Variants in DNAAF11 observed in about 807,000 individuals in gnomAD.
DNAAF11 encodes the protein leucine rich repeat containing 6.
DNAAF11 carries 45 observed loss-of-function variants against 60.8 expected under a neutral mutation model. The observed-to-expected ratio is 0.74, with a 90% CI of 0.58 to 0.95. The LOEUF is 0.95. Among genes scored for constraint, DNAAF11 ranks in the 40% least tolerant of loss-of-function variants. The pLI, the probability that DNAAF11 is intolerant of heterozygous loss-of-function variation, is 0.00. For missense variants in DNAAF11, 546 were observed against 546.2 expected (o/e 1.00, Z 0.00); for synonymous variants, 191 against 183.5 (o/e 1.04, Z -0.33).
chr8:132,668,192 T>C (rs1450183634), intron 1 of DNAAF11, among the ~76,000 whole-genome samples: 1 of 152,200 alleles, frequency 6.6e-6, no homozygotes, highest in Admixed American at 6.5e-5. Flanking sequence ...TGGAAACTCT[T>C]AAAAGCAGGA....
chr8:132,591,534 T>C lies in DNAAF11; in HGVS notation c.1141-7755A>G, dbSNP rs182326406. On this transcript the variant is annotated intron_variant, in intron 10 of 11. Coordinates refer to ENST00000620350, the MANE Select transcript of DNAAF11 (RefSeq NM_012472.6). ...GTAACTGTCGTTTCCCACCTTTCTA[T>C]TAGAGTTTTAATTGTTTTCTGAAAT... 3.3e-5 allele frequency among the ~76,000 whole-genome samples: 5 copies of C among 152,186 alleles called. No homozygotes were observed. The East Asian group carries it at 9.6e-4, about 29-fold the overall frequency.
intron 7 of DNAAF11, 26 bp from the exon 8 acceptor site, chr8:132,615,123 A>G (rs373165179): frequency 3.5e-6 from 5 of 1,441,818 alleles, no homozygotes; most frequent in Non-Finnish European, 4.9e-6. Flanking sequence ...TTGGTGGGAA[A>G]AAAGAGATGT....
intron 10 of DNAAF11, among the ~76,000 whole-genome samples, chr8:132,609,679 T>C (rs539820671): frequency 6.6e-6 from 1 of 152,284 alleles, no homozygotes; most frequent in East Asian, 1.9e-4. Context: ...TCACTGCTAG[T>C]GCACATCTTA....
chr8:132,601,780 G>A (rs527331054), intron 10 of DNAAF11, among the ~76,000 whole-genome samples: 7 of 152,092 alleles, frequency 4.6e-5, no homozygotes, highest in African/African-American at 7.2e-5. Context: ...CATGGGGTGC[G>A]GGGAGGGTGG....
chr8:132,688,475 A>G, the DNAAF11 span, among the ~76,000 whole-genome samples: 3 of 152,196 alleles, frequency 2.0e-5, no homozygotes, highest in South Asian at 6.2e-4. Context: ...GGCCTGGCCA[A>G]TAACAATTCT....
At chr8:132,651,784 T>C (rs1446319158) in intron 3 of DNAAF11, among the ~76,000 whole-genome samples, 1 of 152,190 alleles carries the variant, frequency 6.6e-6, no homozygotes, top group Non-Finnish European at 1.5e-5. Flanking sequence ...GAAACTTCAT[T>C]ACCACAAAAC....
At chr8:132,620,314 C>T (rs368340913) in intron 7 of DNAAF11, among the ~76,000 whole-genome samples, 5 of 152,190 alleles carry the variant, frequency 3.3e-5, no homozygotes, top group African/African-American at 7.2e-5. Flanking sequence ...TGAAGACAAA[C>T]GACAAGGACT....
At chr8:132,661,363 T>A (rs1824112888) in intron 2 of DNAAF11, 97 bp downstream of exon 2, 1 of 1,032,560 alleles carries the variant, frequency 9.7e-7, no homozygotes, top group East Asian at 2.5e-5. Flanking sequence ...TGGAGTTTTT[T>A]TTTCAGTGAT....
At chr8:132,677,879 G>T (rs1825812342), upstream of DNAAF11, among the ~76,000 whole-genome samples, 1 of 152,196 alleles carries the variant, frequency 6.6e-6, no homozygotes, top group Non-Finnish European at 1.5e-5. Context: ...AAGGTGAAAA[G>T]GGGTGAACTC....
Position 132,668,057 on chromosome 8 carries a change from A to ATC in DNAAF11, c.11-6431_11-6430insGA, listed in dbSNP as rs538966697. ...ATGTATTTATTGAAGATTTTGTAGC[A>ATC]TTCAGACATCTTGAAAGACCTATCA... On this transcript the variant is annotated intron_variant, in intron 1 of 11. Transcript: ENST00000620350. Among the ~76,000 whole-genome samples the ATC allele has an allele frequency of 3.6e-3, 545 of 152,356 alleles. 2 individuals carry two copies. The highest frequency in any genetic ancestry group is 0.012 in the African/African-American group (513 of 41,574).
intron 11 of DNAAF11, among the ~76,000 whole-genome samples, chr8:132,581,856 C>G (rs1815377209): frequency 6.6e-6 from 1 of 152,126 alleles, no homozygotes; most frequent in Non-Finnish European, 1.5e-5. Context: ...CATCATGTAG[C>G]AGAGTCAGCA....
rs902438793 is a variant in DNAAF11 at position 132,625,279 on chromosome 8, T to C, written c.829A>G (p.Lys277Glu). The C allele has an allele frequency of 3.1e-6, 5 of 1,599,746 alleles. No homozygotes were observed. The highest frequency in any genetic ancestry group is 4.3e-6 in the Non-Finnish European group (5 of 1,173,952). ...TAGGAAAGAATGAAATACCTTAATTTTTCCTGTTTCTTCCGTTGTTTTTCC... is the reference window on the plus strand; with the variant it reads ...TAGGAAAGAATGAAATACCTTAATTCTTCCTGTTTCTTCCGTTGTTTTTCC... Reference protein sequence around the residue: ...HMEKQRKKQEKLSEKKKKVKP... With the variant: ...HMEKQRKKQEELSEKKKKVKP... The change falls in exon 6 of 12, where the codon AAA becomes GAA. Residue 277 changes from lysine to glutamate, a missense_variant. Physicochemically the swap from Lys to Glu is moderately conservative, Grantham distance 56. Coordinates refer to ENST00000620350, the MANE Select transcript of DNAAF11 (RefSeq NM_012472.6).
chr8:132,664,671 T>C (rs55701651), intron 1 of DNAAF11, among the ~76,000 whole-genome samples: 23,786 of 149,898 alleles, frequency 0.16, 2,951 homozygotes, highest in African/African-American at 0.34. Flanking sequence ...CACCATCGTG[T>C]CCACATTGGT....
At chr8:132,661,890 T>C (rs967886863) in intron 1 of DNAAF11, among the ~76,000 whole-genome samples, 2 of 152,176 alleles carry the variant, frequency 1.3e-5, no homozygotes, top group Non-Finnish European at 2.9e-5. Context: ...TACATTTTGC[T>C]GTATGGATGG....
chr8:132,684,099 CA>C, the DNAAF11 span, among the ~76,000 whole-genome samples: 2 of 152,110 alleles, frequency 1.3e-5, no homozygotes, highest in African/African-American at 2.4e-5. Flanking sequence ...TTTTTAAGAC[CA>C]ACTACAAAGT....
At chr8:132,578,358 C>T in intron 11 of DNAAF11, 1 of 1,089,918 alleles carries the variant, frequency 9.2e-7, no homozygotes, top group Non-Finnish European at 1.3e-6. Flanking sequence ...GCCTGGGGCA[C>T]TTGAAGATCA....
chr8:132,657,710 C>T (rs1348541128), intron 2 of DNAAF11, among the ~76,000 whole-genome samples: 2 of 152,116 alleles, frequency 1.3e-5, no homozygotes, highest in African/African-American at 4.8e-5. Flanking sequence ...TTAATAATAC[C>T]ATAGCAACTA....
In DNAAF11 at chr8:132,653,035, A is replaced by G. The variant is rs181971521; in HGVS notation, c.256+3795T>C. Among the ~76,000 whole-genome samples the G allele has an allele frequency of 1.1e-3, 169 of 152,346 alleles. 1 individual carries two copies. The highest frequency in any genetic ancestry group is 4.4e-3 in the Admixed American group (68 of 15,300). ...AAGAAAATGATTATTTGGAACTTGA[A>G]TCTGGTGAAATGTTTCAAAATGTAC... On this transcript the variant is annotated intron_variant, in intron 3 of 11. Coordinates refer to ENST00000620350, the MANE Select transcript of DNAAF11 (RefSeq NM_012472.6).
At chr8:132,663,389 C>T (rs1376723309) in intron 1 of DNAAF11, among the ~76,000 whole-genome samples, 1 of 152,200 alleles carries the variant, frequency 6.6e-6, no homozygotes, top group Admixed American at 6.5e-5. Flanking sequence ...TAAATGGGTA[C>T]AGCCAGAGGA....
Sources: allele counts gnomAD v4.1 joint callset (sites outside exome capture counted in the v4.1 genomes callset), GRCh38; gene constraint gnomAD v4.1.1; transcripts MANE v1.5; gene names NCBI Gene and HGNC (gene_info 2026-07-23, HGNC 2026-07-21).